SDK2: variants seen among roughly 807,000 people sequenced by gnomAD.
The protein encoded by SDK2 is protein sidekick-2.
A neutral mutation model predicts 253.9 loss-of-function variants in SDK2; 105 were observed. The observed-to-expected ratio is 0.41, with a 90% CI of 0.35 to 0.49. The LOEUF (loss-of-function observed/expected upper bound fraction) is 0.49. Among genes scored for constraint, SDK2 ranks in the 20% least tolerant of loss-of-function variants. The pLI, the probability that SDK2 is intolerant of heterozygous loss-of-function variation, is 0.06. For synonymous variants in SDK2, 1,249 were observed against 1,234.9 expected (o/e 1.01, Z -0.24); for missense variants, 2,608 against 3,003.0 (o/e 0.87, Z 3.07).
At chr17:73,617,852 C>T (rs1236275276) in intron 1 of SDK2, among the ~76,000 whole-genome samples, 1 of 152,176 alleles carries the variant, frequency 6.6e-6, no homozygotes, top group South Asian at 2.1e-4. Context: ...TCTCATCCAT[C>T]CCCCGGCCTC....
chr17:73,410,144 G>A (rs2063114019), intron 18 of SDK2, among the ~76,000 whole-genome samples: 1 of 151,884 alleles, frequency 6.6e-6, no homozygotes, highest in Non-Finnish European at 1.5e-5. Flanking sequence ...GTGAGCCACG[G>A]TGCCCAGCCT....
chr17:73,435,329 TG>T lies in SDK2; in HGVS notation c.1195+120del. On this transcript the variant is annotated intron_variant, in intron 9 of 44. Coordinates refer to ENST00000392650, the MANE Select transcript of SDK2 (RefSeq NM_001144952.2). The surrounding 1 kb of genome is among the most constrained non-coding windows in gnomAD (Gnocchi z 5.7). Reference sequence around the variant, plus strand: ...AGGCTGCTGGGCAGCAGGCGGCCTTTGGGGATCCTATCTGCTTAATGGAACG... The same window carrying T: ...AGGCTGCTGGGCAGCAGGCGGCCTTTGGGATCCTATCTGCTTAATGGAACG... 1 of 1,018,158 alleles carries T rather than the reference TG, an allele frequency of 9.8e-7. No individual in the cohort carries two copies. The highest frequency in any genetic ancestry group is 1.4e-6 in the Non-Finnish European group (1 of 717,466). The allele number at this position is 1,018,158 out of a possible 1,614,324, so 63.1% of individuals were successfully genotyped here.
At chr17:73,423,564 C>T (rs2145589634) in intron 13 of SDK2, 42 bp from the exon 14 acceptor site, 6 of 1,481,130 alleles carry the variant, frequency 4.1e-6, no homozygotes, top group Non-Finnish European at 4.5e-6. Flanking sequence ...ATGTGGTCTG[C>T]AGGCAGGTGA....
intron 1 of SDK2, chr17:73,520,964 T>C (rs2064073801): frequency 6.6e-6 from 1 of 152,050 alleles, no homozygotes. Context: ...GATGAAAGTA[T>C]TCTGGAACTC....
Position 73,612,645 on chromosome 17 carries a change from G to A in SDK2, c.64+31380C>T, listed in dbSNP as rs942521773. Among the ~76,000 whole-genome samples the A allele has an allele frequency of 7.9e-5, 12 of 152,252 alleles. No homozygotes were observed. Among genetic ancestry groups the A allele is most frequent in the African/African-American group, 2.6e-4 (11 of 41,556 alleles). The stretch of plus-strand genomic sequence containing the variant: ...TAATAATAGTAACAGTAGGCCAGGC[G>A]AGGTGGCTCACACCTGTAATCCCAG... On this transcript the variant is annotated intron_variant, in intron 1 of 44. Transcript: ENST00000392650. The surrounding 1 kb of genome is among the most constrained non-coding windows in gnomAD (Gnocchi z 4.4).
At chr17:73,522,530 A>G (rs901546422) in intron 1 of SDK2, among the ~76,000 whole-genome samples, 2 of 152,212 alleles carry the variant, frequency 1.3e-5, no homozygotes, top group African/African-American at 2.4e-5. Context: ...TTCTGCTTTG[A>G]AAACACATAG....
chr17:73,437,812 C>T lies in SDK2; in HGVS notation c.927G>A (p.Gln309=). Residue 309 remains glutamine, a synonymous_variant, in exon 8 of 45, where the codon CAG becomes CAA. Transcript: ENST00000392650. ...TGTGTCTTTCTGGCTCCTTGACAAA[C>T]TGAGGCGGTTCTGCAGGAGGAAGGA... ...GAYLSVLEPP[Q]FVKEPERHIT... is the part of the protein sequence containing the mutation. The T allele has an allele frequency of 6.2e-7, 1 of 1,614,022 alleles. No individual in the cohort carries two copies. Among genetic ancestry groups the T allele is most frequent in the Non-Finnish European group, 8.5e-7 (1 of 1,179,878 alleles).
chr17:73,464,014 A>C (rs1487436723), intron 3 of SDK2, among the ~76,000 whole-genome samples: 1 of 152,166 alleles, frequency 6.6e-6, no homozygotes, highest in Non-Finnish European at 1.5e-5. Context: ...GTGTTGTTAG[A>C]CTGTGGTCTC....
rs76317730 is a variant in SDK2, at chr17:73,398,676, A to G, written c.3094-247T>C. Reference sequence around the variant, plus strand: ...ATTCCTGGATTCTGGAGTCAGAATGAGTTTAAATCTAACTCCACTACTTAC... The same window carrying G: ...ATTCCTGGATTCTGGAGTCAGAATGGGTTTAAATCTAACTCCACTACTTAC... On this transcript the variant is annotated intron_variant, in intron 22 of 44. Transcript: ENST00000392650. Among the ~76,000 whole-genome samples, 502 of 152,292 alleles carry G rather than the reference A, an allele frequency of 3.3e-3. 14 individuals are homozygous for G. The East Asian group carries it at 0.054, about 16-fold the overall frequency.
intron 44 of SDK2, among the ~76,000 whole-genome samples, chr17:73,344,742 G>C (rs180804897): frequency 6.6e-6 from 1 of 152,172 alleles, no homozygotes; most frequent in Non-Finnish European, 1.5e-5. Context: ...GGCTATCAAC[G>C]AGGTCTCAGC....
At position 73,422,406 on chromosome 17, in the gene SDK2, A is replaced by G. The variant is rs962913692; in HGVS notation, c.1926T>C (p.Ser642=). ...NNAPWTVLLA[S]VDPKATSVTV... ...TCACTGAGGTAGCTTTGGGGTCCACACTGGCCAGGAGTACAGTCCAGGGGG... is the reference window on the plus strand; with the variant it reads ...TCACTGAGGTAGCTTTGGGGTCCACGCTGGCCAGGAGTACAGTCCAGGGGG... Residue 642 remains serine (S), a synonymous_variant, in exon 15 of 45, where the codon AGT becomes AGC. Transcript: ENST00000392650. The G allele has an allele frequency of 6.2e-6, 10 of 1,613,660 alleles. No individual in the cohort carries two copies. The Admixed American group carries it at 1.5e-4, about 24-fold the overall frequency.
At chr17:73,568,710 T>G (rs1380995047) in intron 1 of SDK2, among the ~76,000 whole-genome samples, 1 of 152,162 alleles carries the variant, frequency 6.6e-6, no homozygotes, top group African/African-American at 2.4e-5. Flanking sequence ...GAATAAGGGC[T>G]GAAAATTCCC....
chr17:73,429,033 G>A (rs2063305898), intron 12 of SDK2, among the ~76,000 whole-genome samples: 1 of 152,176 alleles, frequency 6.6e-6, no homozygotes, highest in South Asian at 2.1e-4. Context: ...ATCCCATTAT[G>A]CATCAGTAAC....
chr17:73,373,336 T>A (rs1225341945), intron 36 of SDK2, among the ~76,000 whole-genome samples: 2 of 152,266 alleles, frequency 1.3e-5, no homozygotes, highest in Non-Finnish European at 1.5e-5. Context: ...GGCCTGCAGA[T>A]AGCTCTTCAA....
At chr17:73,347,077 G>A (rs2062490975) in intron 44 of SDK2, among the ~76,000 whole-genome samples, 1 of 152,188 alleles carries the variant, frequency 6.6e-6, no homozygotes, top group Non-Finnish European at 1.5e-5. Flanking sequence ...AAGGACCACA[G>A]TGGGGCCAGC....
intron 1 of SDK2, among the ~76,000 whole-genome samples, chr17:73,608,743 T>G (rs1412539057): frequency 6.6e-6 from 1 of 152,136 alleles, no homozygotes; most frequent in East Asian, 1.9e-4. Flanking sequence ...GTGCCAGGCC[T>G]AAAATTTCCC....
intron 44 of SDK2, among the ~76,000 whole-genome samples, chr17:73,346,750 T>C (rs2062488099): frequency 1.3e-5 from 2 of 152,150 alleles, no homozygotes; most frequent in South Asian, 2.1e-4. Context: ...TTGGGTGGTC[T>C]GTCTCAGAAT....
Position 73,642,655 on chromosome 17 carries a change from G to GT in SDK2, c.64+1369dup, listed in dbSNP as rs1435678634. ...AGTCATTTAATGCCATTTGGCCTCA[G>GT]TTTCCCTATCTGTTAAATGGCTACT... On this transcript the variant is annotated intron_variant, in intron 1 of 44. Coordinates refer to ENST00000392650, the MANE Select transcript of SDK2 (RefSeq NM_001144952.2). This position sits in a 1 kb window ranked among gnomAD's most constrained non-coding sequence, Gnocchi z 4.7. 1.3e-5 allele frequency among the ~76,000 whole-genome samples: 2 copies of GT among 152,290 alleles called. No homozygotes were observed. Among genetic ancestry groups the GT allele is most frequent in the East Asian group, 3.9e-4 (2 of 5,174 alleles).
At position 73,431,536 on chromosome 17, in the gene SDK2, C is replaced by G. The variant is rs1325947872; in HGVS notation, c.1446G>C (p.Gly482=). Residue 482 remains glycine, a synonymous_variant, in exon 11 of 45, where the codon GGG becomes GGC. Transcript: ENST00000392650. This position sits in a 1 kb window ranked among gnomAD's most constrained non-coding sequence, Gnocchi z 5.6. ...TYTCLATNSR[G]VDEASADLVV... is the part of the protein sequence containing the mutation. ...CTAGGTCTGCTGAGGCCTCATCGAC[C>G]CCCCGAGAGTTGGTGGCCAGGCAGG... 6.2e-7 allele frequency: 1 copy of G among 1,613,652 alleles called. No homozygotes were observed. The highest frequency in any genetic ancestry group is 8.5e-7 in the Non-Finnish European group (1 of 1,179,766).
Sources: gnomAD v4.1 joint callset for allele counts (sites outside exome capture counted in the v4.1 genomes callset) on GRCh38, gnomAD v4.1.1 for gene constraint, Gnocchi (gnomAD v3.1) non-coding constraint, MANE v1.5 for transcripts, NCBI Gene and HGNC (gene_info 2026-07-23, HGNC 2026-07-21) for gene names.